Variants in EFEMP1 observed in about 807,000 individuals in gnomAD.
EFEMP1 encodes EGF-containing fibulin-like extracellular matrix protein 1.
In EFEMP1, 18 loss-of-function variants were observed where a neutral mutation model predicts 65.7. The observed-to-expected ratio is 0.27, with a 90% CI of 0.19 to 0.41. EFEMP1 has a LOEUF of 0.41. Ranked by LOEUF, EFEMP1 falls within the 10% of genes least tolerant of loss-of-function variation. The probability of loss-of-function intolerance (pLI) is 1.00; values close to 1 mark genes in which losing one functional copy is unlikely to be tolerated. For synonymous variants in EFEMP1, 237 were observed against 219.7 expected (o/e 1.08, Z -0.70); for missense variants, 469 against 624.8 (o/e 0.75, Z 2.66).
In EFEMP1 at chr2:55,917,263, C is replaced by G. The variant is rs73940343; in HGVS notation, c.517+402G>C. 0.096 allele frequency among the ~76,000 whole-genome samples: 14,607 copies of G among 152,176 alleles called. 1,025 individuals carry two copies. The highest frequency in any genetic ancestry group is 0.2 in the African/African-American group (8,136 of 41,480). On this transcript the variant is annotated intron_variant, in intron 5 of 11. Transcript: ENST00000355426. This position sits in a 1 kb window ranked among gnomAD's most constrained non-coding sequence, Gnocchi z 6.3. ...CCTGGGTTGGAAGGTCAGCTCTGCA[C>G]TTAGCACCTGTGTGACCTCTGGTTC...
intron 7 of EFEMP1, 62 bp from the exon 8 acceptor site, chr2:55,876,804 A>G: frequency 2.9e-6 from 3 of 1,027,944 alleles, no homozygotes; most frequent in South Asian, 4.8e-5. Context: ...ACATATATAT[A>G]TAGACTTTAA....
At chr2:55,910,041 T>C (rs143133516) in intron 5 of EFEMP1, among the ~76,000 whole-genome samples, 162 of 152,328 alleles carry the variant, frequency 1.1e-3, no homozygotes, top group Non-Finnish European at 1.7e-3. Context: ...GTACAATCAT[T>C]TGAAAGGTAG....
In EFEMP1 at chr2:55,886,644, C is replaced by A. The variant is rs912172656; in HGVS notation, c.518-4910G>T. Among the ~76,000 whole-genome samples the A allele has an allele frequency of 2.6e-5, 4 of 152,262 alleles. No individual in the cohort carries two copies. The South Asian group carries it at 6.2e-4, about 24-fold the overall frequency. On this transcript the variant is annotated intron_variant, in intron 5 of 11. Transcript: ENST00000355426. The surrounding 1 kb of genome is among the most constrained non-coding windows in gnomAD (Gnocchi z 4.0). ...CAACATTCTTAATGATTTAGATACC[C>A]ACCTGCTCAAAATGATTGCTCCCAA...
chr2:55,916,138 C>G (rs1258196964), intron 5 of EFEMP1, among the ~76,000 whole-genome samples: 2 of 139,224 alleles, frequency 1.4e-5, no homozygotes, highest in African/African-American at 2.8e-5. Flanking sequence ...GAGACAGAGT[C>G]TCACTCTGTT....
At position 55,897,074 on chromosome 2, in the gene EFEMP1, C is replaced by T. The variant is rs145253264; in HGVS notation, c.518-15340G>A. On this transcript the variant is annotated intron_variant, in intron 5 of 11. Coordinates refer to ENST00000355426, the MANE Select transcript of EFEMP1 (RefSeq NM_001039348.3). ...TGCCACAACTTGCCAAGACGGAGGC[C>T]TGGTGTCACCTTCTCTAGGAAGTCA... 1.4e-3 allele frequency among the ~76,000 whole-genome samples: 206 copies of T among 152,318 alleles called. 2 individuals are homozygous for T. The East Asian group carries it at 0.038, about 28-fold the overall frequency.
intron 9 of EFEMP1, among the ~76,000 whole-genome samples, chr2:55,872,580 G>A (rs1236375147): frequency 6.6e-6 from 1 of 152,038 alleles, no homozygotes; most frequent in East Asian, 1.9e-4. Flanking sequence ...ACAAATAAGG[G>A]TTTAGTGGCT....
chr2:55,915,057 A>C (rs1401439242), intron 5 of EFEMP1, among the ~76,000 whole-genome samples: 1 of 152,244 alleles, frequency 6.6e-6, no homozygotes, highest in Admixed American at 6.5e-5. Flanking sequence ...CCCTAGACAG[A>C]TTATCCTGTT....
At chr2:55,912,874 T>C (rs1484029060) in intron 5 of EFEMP1, among the ~76,000 whole-genome samples, 1 of 152,144 alleles carries the variant, frequency 6.6e-6, no homozygotes. Context: ...TGTGAAAAGA[T>C]TGCTAACTTT....
chr2:55,907,118 A>T (rs1025941947), intron 5 of EFEMP1, among the ~76,000 whole-genome samples: 2 of 152,250 alleles, frequency 1.3e-5, no homozygotes, highest in African/African-American at 2.4e-5. Flanking sequence ...AGCAGTTTCC[A>T]GTGTTAATGT....
Position 55,886,906 on chromosome 2 carries a change from A to G in EFEMP1, c.518-5172T>C, listed in dbSNP as rs1669440762. On this transcript the variant is annotated intron_variant, in intron 5 of 11. Transcript: ENST00000355426. This position sits in a 1 kb window ranked among gnomAD's most constrained non-coding sequence, Gnocchi z 4.0. The stretch of plus-strand genomic sequence containing the variant: ...TGCTATTGATAATGATAACCTGAGT[A>G]ATTAATATAATAAATTATGTAGATT... Among the ~76,000 whole-genome samples the G allele has an allele frequency of 6.6e-6, 1 of 152,174 alleles. No individual in the cohort carries two copies. Among genetic ancestry groups the G allele is most frequent in the African/African-American group, 2.4e-5 (1 of 41,460 alleles).
intron 5 of EFEMP1, among the ~76,000 whole-genome samples, chr2:55,916,047 C>T (rs575105636): frequency 6.6e-6 from 1 of 151,366 alleles, no homozygotes; most frequent in African/African-American, 2.4e-5. Flanking sequence ...ATGTGGGGTA[C>T]TTAAAGCTTA....
intron 5 of EFEMP1, among the ~76,000 whole-genome samples, chr2:55,914,074 T>C (rs72811710): frequency 0.013 from 1,997 of 152,214 alleles, 43 homozygotes; most frequent in African/African-American, 0.045. Flanking sequence ...CATCAACAGA[T>C]TATAATATAT....
At chr2:55,907,311 G>A (rs1475271777) in intron 5 of EFEMP1, among the ~76,000 whole-genome samples, 2 of 152,196 alleles carry the variant, frequency 1.3e-5, no homozygotes, top group East Asian at 1.9e-4. Context: ...GCACATGTGT[G>A]GGCATAAATA....
chr2:55,867,086 G>A lies in EFEMP1; in HGVS notation c.1469C>T (p.Pro490Leu). 6.2e-7 allele frequency: 1 copy of A among 1,612,670 alleles called. No homozygotes were observed. Among genetic ancestry groups the A allele is most frequent in the East Asian group, 2.2e-5 (1 of 44,870 alleles). Residue 490 changes from proline to leucine, a missense_variant, in exon 12 of 12, where the codon CCA becomes CTA. Transcript: ENST00000355426. The surrounding 1 kb of genome is among the most constrained non-coding windows in gnomAD (Gnocchi z 4.3). ...SVLRLTIIVG[P>L]FSF ...TCTTAGAAAAGACTAAAATGAAAAT[G>A]GCCCCACTATTATTGTCAATCTTAA...
rs1668893017 is a variant in EFEMP1, at chr2:55,873,287, C to T, written c.1000+1659G>A. ...CTTTAGAAGAATGCTAAGTCTTTTTCACAAAAAATGTTTTGGCTTAACCAA... is the reference window on the plus strand; with the variant it reads ...CTTTAGAAGAATGCTAAGTCTTTTTTACAAAAAATGTTTTGGCTTAACCAA... On this transcript the variant is annotated intron_variant, in intron 9 of 11. Coordinates refer to ENST00000355426, the MANE Select transcript of EFEMP1 (RefSeq NM_001039348.3). The surrounding 1 kb of genome is among the most constrained non-coding windows in gnomAD (Gnocchi z 4.6). Among the ~76,000 whole-genome samples, 3 of 152,064 alleles carry T rather than the reference C, an allele frequency of 2.0e-5. No individual in the cohort carries two copies. In the South Asian group the frequency reaches 6.2e-4, roughly 32 times the overall value.
Position 55,885,995 on chromosome 2 carries a change from T to A in EFEMP1, c.518-4261A>T, listed in dbSNP as rs541637690. Among the ~76,000 whole-genome samples, 1 of 152,304 alleles carries A rather than the reference T, an allele frequency of 6.6e-6. No individual in the cohort carries two copies. Among genetic ancestry groups the A allele is most frequent in the Admixed American group, 6.5e-5 (1 of 15,294 alleles). On this transcript the variant is annotated intron_variant, in intron 5 of 11. Coordinates refer to ENST00000355426, the MANE Select transcript of EFEMP1 (RefSeq NM_001039348.3). The surrounding 1 kb of genome is among the most constrained non-coding windows in gnomAD (Gnocchi z 4.3). The stretch of plus-strand genomic sequence containing the variant: ...CAACATGGAGTCCCTTTAGCATGTT[T>A]TCATGGGCAAAAATTATCTGCACCT...
chr2:55,906,816 G>T (rs749532838), intron 5 of EFEMP1, among the ~76,000 whole-genome samples: 1 of 152,244 alleles, frequency 6.6e-6, no homozygotes, highest in East Asian at 1.9e-4. Context: ...CACCTTAAAC[G>T]ATAGTTCATC....
chr2:55,918,125 C>T (rs1670775494), intron 4 of EFEMP1, 74 bp from the exon 5 acceptor site: 5 of 1,613,010 alleles, frequency 3.1e-6, no homozygotes, highest in Non-Finnish European at 2.5e-6. Context: ...AATGCTCATG[C>T]CTTTTTGGTA....
chr2:55,916,642 C>T (rs1427767650), intron 5 of EFEMP1, among the ~76,000 whole-genome samples: 5 of 152,200 alleles, frequency 3.3e-5, no homozygotes, highest in Admixed American at 6.5e-5. Flanking sequence ...CATTGGCCCA[C>T]GTGTGCCATA....
Sources: gnomAD v4.1 joint callset for allele counts (sites outside exome capture counted in the v4.1 genomes callset) on GRCh38, gnomAD v4.1.1 for gene constraint, Gnocchi (gnomAD v3.1) non-coding constraint, MANE v1.5 for transcripts, NCBI Gene and HGNC (gene_info 2026-07-23, HGNC 2026-07-21) for gene names.